The following TRIM51 variants were observed in gnomAD, a reference collection of about 807,000 sequenced individuals.
The protein encoded by TRIM51 is tripartite motif-containing 51.
A neutral mutation model predicts 32.7 loss-of-function variants in TRIM51; 23 were observed. The ratio of observed to expected loss-of-function variants is 0.70; its 90% CI spans 0.51 to 1.00. The LOEUF is 1.00. Ranked by LOEUF, TRIM51 falls within the 50% of genes least tolerant of loss-of-function variation. TRIM51 has a pLI of 0.00. For synonymous variants in TRIM51, 177 were observed against 181.9 expected, an observed-to-expected ratio of 0.97 and a Z score of 0.22; for missense variants, 592 against 539.2, an observed-to-expected ratio of 1.10 and a Z score of -0.97.
At chr11:55,887,996 G>A (rs745535553) in intron 3 of TRIM51, 36 bp from the exon 4 acceptor site, 81 of 1,447,514 alleles carry the variant, frequency 5.6e-5, no homozygotes, top group Non-Finnish European at 6.7e-5. Flanking sequence ...GAGAAGATGG[G>A]TAAAACATTT....
At chr11:55,886,373 G>T (rs1422645108) in intron 3 of TRIM51, among the ~76,000 whole-genome samples, 155 bp downstream of exon 3, 2 of 152,146 alleles carry the variant, frequency 1.3e-5, no homozygotes, top group African/African-American at 4.8e-5. Flanking sequence ...TTTTATATAA[G>T]TTAGTGTGAC....
chr11:55,886,391 T>A (rs1854579272), intron 3 of TRIM51, among the ~76,000 whole-genome samples, 173 bp downstream of exon 3: 1 of 152,186 alleles, frequency 6.6e-6, no homozygotes, highest in African/African-American at 2.4e-5. Context: ...GACTCTTTGG[T>A]AGGATATCTA....
At chr11:55,891,036 T>G (rs1203719455) in intron 6 of TRIM51, 97 bp from the exon 7 acceptor site, 16 of 990,282 alleles carry the variant, frequency 1.6e-5, no homozygotes, top group Non-Finnish European at 2.2e-5. Context: ...TTCAAATTTC[T>G]TGGTAAAGTA....
At chr11:55,888,466 C>G (rs1228667057) in intron 4 of TRIM51, among the ~76,000 whole-genome samples, 2 of 152,180 alleles carry the variant, frequency 1.3e-5, no homozygotes, top group Non-Finnish European at 2.9e-5. Context: ...CATCCACCAG[C>G]AACAAAACTT....
chr11:55,890,256 TGG>T (rs1854631379), intron 6 of TRIM51, among the ~76,000 whole-genome samples: 4 of 152,114 alleles, frequency 2.6e-5, no homozygotes, highest in Non-Finnish European at 5.9e-5. Flanking sequence ...TGGGCTCACA[TGG>T]ATAGAGTTAT....
chr11:55,891,652 G>A lies in TRIM51; in HGVS notation c.*20G>A, dbSNP rs751737098. The A allele has an allele frequency of 8.7e-6, 14 of 1,612,118 alleles. No individual in the cohort carries two copies. Among genetic ancestry groups the A allele is most frequent in the Non-Finnish European group, 1.1e-5 (13 of 1,179,388 alleles). ...TTCTGACCAGAGAAAAGTCAGAAAT[G>A]TGCCTGTATGCTCTGGGAACCTGTT... is the stretch of plus-strand genomic sequence containing the variant. On this transcript the variant is annotated 3_prime_UTR_variant, in exon 7 of 7. Transcript: ENST00000449290.
Position 55,886,147 on chromosome 11 carries a change from T to A in TRIM51, c.436T>A (p.Ser146Thr). The change falls in exon 3 of 7, where the codon TCT becomes ACT. Residue 146 changes from serine (S) to threonine (T), a missense_variant. By Grantham distance (58) the Ser-to-Thr change is moderately conservative. Coordinates refer to ENST00000449290, the MANE Select transcript of TRIM51 (RefSeq NM_032681.4). ...RREELLKKMQ[S>T]LWEKACENLR... ...GGAGGAGCTCCTAAAAAAAATGCAG[T>A]CTTTATGGGAAAAAGCTTGTGAAAA... 2 of 1,613,328 alleles carry A rather than the reference T, an allele frequency of 1.2e-6. No individual in the cohort carries two copies. The highest frequency in any genetic ancestry group is 1.7e-6 in the Non-Finnish European group (2 of 1,179,556).
intron 4 of TRIM51, 25 bp from the exon 5 acceptor site, chr11:55,888,954 C>T (rs553544395): frequency 1.3e-6 from 2 of 1,599,618 alleles, no homozygotes; most frequent in East Asian, 2.2e-5. Context: ...AAGCGCTAAG[C>T]CTTTCTATTT....
At chr11:55,887,908 G>A (rs1255489605) in intron 3 of TRIM51, 124 bp from the exon 4 acceptor site, 2 of 747,114 alleles carry the variant, frequency 2.7e-6, no homozygotes, top group Non-Finnish European at 4.6e-6. Context: ...ATAAAATTTT[G>A]TGGAATCTGA....
intron 4 of TRIM51, among the ~76,000 whole-genome samples, chr11:55,888,521 A>C (rs1854607120): frequency 6.6e-6 from 1 of 152,210 alleles, no homozygotes; most frequent in Admixed American, 6.5e-5. Flanking sequence ...AATATTTCCC[A>C]TCAAAAGTCA....
rs1467274476 is a variant in TRIM51, at chr11:55,885,844, G to C, written c.411+5G>C. The C allele has an allele frequency of 6.2e-7, 1 of 1,611,576 alleles. No homozygotes were observed. The highest frequency in any genetic ancestry group is 1.3e-5 in the African/African-American group (1 of 74,806). On this transcript the variant is annotated splice_donor_5th_base_variant and intron_variant, in intron 2 of 6. Transcript: ENST00000449290. ...TGGGCTGCTGAGGAACGCCGGGTAA[G>C]TGATGCCTCTGAAGATCTATTTCTA...
chr11:55,889,125 C>T, intron 5 of TRIM51, 124 bp downstream of exon 5: 1 of 856,194 alleles, frequency 1.2e-6, no homozygotes, highest in Non-Finnish European at 2.0e-6. Flanking sequence ...GTACTTTCTC[C>T]ATCCCCCACC....
chr11:55,886,195 A>G lies in TRIM51; in HGVS notation c.484A>G (p.Thr162Ala). 6.2e-7 allele frequency: 1 copy of G among 1,613,568 alleles called. No homozygotes were observed. ...AAATCTCAGAAATCTGAACATGGAA[A>G]CCACAAGAACCAGATGCTGGAAGGT... is the stretch of plus-strand genomic sequence containing the variant. ...CENLRNLNME[T>A]TRTRCWKDYV... is the part of the protein sequence containing the mutation. The change falls in exon 3 of 7, where the codon ACC becomes GCC. Residue 162 changes from threonine (T) to alanine (A), a missense_variant. Transcript: ENST00000449290.
At chr11:55,886,731 A>G (rs1432501877) in intron 3 of TRIM51, among the ~76,000 whole-genome samples, 2 of 152,186 alleles carry the variant, frequency 1.3e-5, no homozygotes, top group African/African-American at 2.4e-5. Context: ...CATAATGGGA[A>G]AAGTGGCGAG....
Position 55,886,174 on chromosome 11 carries a change from C to T in TRIM51, c.463C>T (p.Leu155Phe), listed in dbSNP as rs1352324639. Residue 155 changes from leucine to phenylalanine, a missense_variant, in exon 3 of 7, where the codon CTC becomes TTC. Transcript: ENST00000449290. ...QSLWEKACEN[L>F]RNLNMETTRT... Reference sequence around the variant, plus strand: ...TTTATGGGAAAAAGCTTGTGAAAATCTCAGAAATCTGAACATGGAAACCAC... The same window carrying T: ...TTTATGGGAAAAAGCTTGTGAAAATTTCAGAAATCTGAACATGGAAACCAC... The T allele has an allele frequency of 6.2e-7, 1 of 1,613,532 alleles. No homozygotes were observed. Among genetic ancestry groups the T allele is most frequent in the Non-Finnish European group, 8.5e-7 (1 of 1,179,620 alleles).
intron 5 of TRIM51, 42 bp from the exon 6 acceptor site, chr11:55,889,900 T>G (rs1854626000): frequency 7.1e-7 from 1 of 1,413,908 alleles, no homozygotes; most frequent in African/African-American, 1.4e-5. Flanking sequence ...TTATGTATTT[T>G]TTTTGGCTGT....
chr11:55,886,075 G>A, intron 2 of TRIM51, 48 bp from the exon 3 acceptor site: 1 of 1,564,698 alleles, frequency 6.4e-7, no homozygotes, highest in Non-Finnish European at 8.8e-7. Context: ...GAGTGTGAAT[G>A]ATACTTTATT....
chr11:55,889,809 T>C, intron 5 of TRIM51, 133 bp from the exon 6 acceptor site: 1 of 660,126 alleles, frequency 1.5e-6, no homozygotes, highest in Non-Finnish European at 2.7e-6. Context: ...ATTTGAAAAA[T>C]AAAATGATAA....
intron 1 of TRIM51, among the ~76,000 whole-genome samples, chr11:55,884,415 C>A (rs957752794): frequency 6.6e-6 from 1 of 151,714 alleles, no homozygotes; most frequent in African/African-American, 2.4e-5. Context: ...GGAATTTGTT[C>A]CCTTGATTAT....
Sources: gnomAD v4.1 joint callset for allele counts (sites outside exome capture counted in the v4.1 genomes callset) on GRCh38, gnomAD v4.1.1 for gene constraint, MANE v1.5 for transcripts, NCBI Gene and HGNC (gene_info 2026-07-23, HGNC 2026-07-21) for gene names.